Variants in SETD7 observed in about 807,000 individuals in gnomAD.
The protein encoded by SETD7 is histone-lysine N-methyltransferase SETD7.
A neutral mutation model predicts 41.8 loss-of-function variants in SETD7; 16 were observed. The observed-to-expected ratio is 0.38, with a 90% CI of 0.26 to 0.58. The LOEUF (loss-of-function observed/expected upper bound fraction) is 0.58. SETD7 is among the 20% of genes least tolerant of loss of function. The pLI is 0.64. For synonymous variants in SETD7, 163 were observed against 169.7 expected (o/e 0.96, Z 0.31); for missense variants, 346 against 459.7 (o/e 0.75, Z 2.26).
intron 6 of SETD7, among the ~76,000 whole-genome samples, chr4:139,518,908 C>G (rs1460410471): frequency 6.6e-6 from 1 of 152,190 alleles, no homozygotes; most frequent in Non-Finnish European, 1.5e-5. Context: ...AGCAGCCCAG[C>G]CTTTTGAAGC....
Position 139,509,650 on chromosome 4 carries a change from C to G in SETD7, c.*2013G>C. On this transcript the variant is annotated 3_prime_UTR_variant, in exon 8 of 8. Coordinates refer to ENST00000274031, the MANE Select transcript of SETD7 (RefSeq NM_030648.4). ...CGAGGTTAATGCAAGCCATCTTTCT[C>G]CTGAAGACAGTCACTCCCTTTGGGC... 2.1e-6 allele frequency: 2 copies of G among 969,370 alleles called. No homozygotes were observed. The highest frequency in any genetic ancestry group is 2.5e-6 in the Non-Finnish European group (2 of 815,266). The allele number at this position is 969,370 out of a possible 1,614,324, so 60.0% of individuals were successfully genotyped here.
At chr4:139,523,533 C>T (rs1727238977) in intron 4 of SETD7, 98 bp from the exon 5 acceptor site, 1 of 780,822 alleles carries the variant, frequency 1.3e-6, no homozygotes, top group Non-Finnish European at 2.1e-6. Context: ...GTTAAAAAAC[C>T]AAAAATCTTA....
intron 2 of SETD7, among the ~76,000 whole-genome samples, chr4:139,535,794 A>C (rs1242462059): frequency 2.0e-5 from 3 of 152,144 alleles, no homozygotes; most frequent in Non-Finnish European, 4.4e-5. Flanking sequence ...CTTTCTTGGC[A>C]ACTTTTAATA....
At chr4:139,534,746 A>G (rs946574810) in intron 2 of SETD7, among the ~76,000 whole-genome samples, 4 of 152,200 alleles carry the variant, frequency 2.6e-5, no homozygotes, top group Non-Finnish European at 4.4e-5. Context: ...ACAATGGTAT[A>G]GGAGAGACTG....
At chr4:139,532,047 T>A (rs1727494935) in intron 3 of SETD7, among the ~76,000 whole-genome samples, 1 of 152,216 alleles carries the variant, frequency 6.6e-6, no homozygotes, top group Non-Finnish European at 1.5e-5. Context: ...TAAGCCGACA[T>A]GGCACCACTG....
At chr4:139,494,133 T>C (rs1409310320), downstream of SETD7, among the ~76,000 whole-genome samples, 1 of 152,220 alleles carries the variant, frequency 6.6e-6, no homozygotes, top group East Asian at 1.9e-4. Context: ...ACTAGGGTCA[T>C]CTGCACTGTA....
chr4:139,555,342 G>C lies in SETD7; in HGVS notation c.40+756C>G, dbSNP rs1016703215. ...AATTCAGAAAGTTAAGTGTCACCCA[G>C]CAATCTCGGTGCGGACTCGCGGCGC... On this transcript the variant is annotated intron_variant, in intron 1 of 7. Transcript: ENST00000274031. This position sits in a 1 kb window ranked among gnomAD's most constrained non-coding sequence, Gnocchi z 4.0. Among the ~76,000 whole-genome samples, 2 of 151,910 alleles carry C rather than the reference G, an allele frequency of 1.3e-5. No individual in the cohort carries two copies. The highest frequency in any genetic ancestry group is 2.4e-5 in the African/African-American group (1 of 41,364).
chr4:139,534,621 C>G (rs1220773618), intron 2 of SETD7, among the ~76,000 whole-genome samples: 1 of 152,082 alleles, frequency 6.6e-6, no homozygotes, highest in Non-Finnish European at 1.5e-5. Context: ...AACTCCTGGG[C>G]TCAAGGGATC....
intron 2 of SETD7, among the ~76,000 whole-genome samples, chr4:139,544,213 G>A (rs1167073052): frequency 6.6e-6 from 1 of 151,488 alleles, no homozygotes; most frequent in Non-Finnish European, 1.5e-5. Context: ...GATCACCCGA[G>A]TCCAGGGAGG....
intron 7 of SETD7, among the ~76,000 whole-genome samples, chr4:139,516,976 C>T (rs989353766): frequency 3.3e-5 from 5 of 152,190 alleles, no homozygotes; most frequent in African/African-American, 9.6e-5. Context: ...GGATTTCCTA[C>T]ATTTTGGACA....
rs556473834 is a variant in SETD7, at chr4:139,535,407, T to C, written c.171-2041A>G. On this transcript the variant is annotated intron_variant, in intron 2 of 7. Coordinates refer to ENST00000274031, the MANE Select transcript of SETD7 (RefSeq NM_030648.4). ...TAACTAGATTTTTATTTGCTCATCCTGGCAACCCTATTGACTTTGGACTCT... is the reference window on the plus strand; with the variant it reads ...TAACTAGATTTTTATTTGCTCATCCCGGCAACCCTATTGACTTTGGACTCT... Among the ~76,000 whole-genome samples, 9 of 152,358 alleles carry C rather than the reference T, an allele frequency of 5.9e-5. No individual in the cohort carries two copies. In the East Asian group the frequency reaches 1.7e-3, roughly 29 times the overall value.
downstream of SETD7, among the ~76,000 whole-genome samples, chr4:139,503,179 GAA>G (rs11388022): frequency 1.3e-3 from 96 of 73,158 alleles, no homozygotes; most frequent in African/African-American, 5.7e-3. Flanking sequence ...CTCTGTCTCA[GAA>G]AAAAAAAAAA....
intron 5 of SETD7, 22 bp downstream of exon 5, chr4:139,523,332 A>C: frequency 1.9e-6 from 3 of 1,571,748 alleles, no homozygotes; most frequent in Non-Finnish European, 2.6e-6. Flanking sequence ...CAGTGCAATT[A>C]AAACCCCAAG....
At chr4:139,501,129 C>T (rs1018364131), downstream of SETD7, among the ~76,000 whole-genome samples, 1 of 152,168 alleles carries the variant, frequency 6.6e-6, no homozygotes, top group African/African-American at 2.4e-5. Context: ...TACCACTTAC[C>T]CAGGCACATA....
intron 3 of SETD7, among the ~76,000 whole-genome samples, chr4:139,530,707 G>A (rs1211602391): frequency 6.6e-6 from 1 of 152,052 alleles, no homozygotes; most frequent in Non-Finnish European, 1.5e-5. Context: ...CCCCTTAAAT[G>A]TTTAAATTTC....
downstream of SETD7, among the ~76,000 whole-genome samples, chr4:139,502,034 C>CA (rs1726590111): frequency 6.6e-6 from 1 of 152,118 alleles, no homozygotes; most frequent in Non-Finnish European, 1.5e-5. Flanking sequence ...TTTAATTTTA[C>CA]AAATAGAAAA....
intron 3 of SETD7, 41 bp from the exon 4 acceptor site, chr4:139,529,261 T>A: frequency 6.5e-7 from 1 of 1,536,656 alleles, no homozygotes; most frequent in Non-Finnish European, 8.8e-7. Flanking sequence ...TTATATATAG[T>A]ATGTCTAGGA....
At chr4:139,540,058 G>T (rs942418658) in intron 2 of SETD7, among the ~76,000 whole-genome samples, 2 of 152,160 alleles carry the variant, frequency 1.3e-5, no homozygotes, top group Non-Finnish European at 2.9e-5. Flanking sequence ...AATAATAATA[G>T]TAACAACAAC....
At chr4:139,530,349 A>G (rs1727447258) in intron 3 of SETD7, among the ~76,000 whole-genome samples, 1 of 105,330 alleles carries the variant, frequency 9.5e-6, no homozygotes, top group Non-Finnish European at 1.9e-5. Flanking sequence ...GTGATCCCAA[A>G]TGCTGCCTTT....
Sources: allele counts gnomAD v4.1 joint callset (sites outside exome capture counted in the v4.1 genomes callset), GRCh38; gene constraint gnomAD v4.1.1; non-coding constraint Gnocchi (gnomAD v3.1); transcripts MANE v1.5; gene names NCBI Gene and HGNC (gene_info 2026-07-23, HGNC 2026-07-21).